The following RIMS2 variants were observed in gnomAD, a reference collection of about 807,000 sequenced individuals.
RIMS2 encodes the protein regulating synaptic membrane exocytosis 2.
In RIMS2, 59 loss-of-function variants were observed where a neutral mutation model predicts 174.4. That is an observed-to-expected ratio of 0.34 (90% confidence interval 0.27 to 0.42). The LOEUF is 0.42. Ranked by LOEUF, RIMS2 falls within the 10% of genes least tolerant of loss-of-function variation. The pLI, the probability that RIMS2 is intolerant of heterozygous loss-of-function variation, is 1.00. For missense variants in RIMS2, 1,620 were observed against 1,666.3 expected, an observed-to-expected ratio of 0.97 and a Z score of 0.48; for synonymous variants, 606 against 572.5, an observed-to-expected ratio of 1.06 and a Z score of -0.84.
chr8:103,895,584 G>A (rs927900142), intron 4 of RIMS2, among the ~76,000 whole-genome samples: 1 of 151,444 alleles, frequency 6.6e-6, no homozygotes, highest in Non-Finnish European at 1.5e-5. Context: ...CATGAATTTG[G>A]CAGGAGGGGC....
chr8:103,683,002 T>C (rs528413624), intron 1 of RIMS2, among the ~76,000 whole-genome samples: 5 of 152,300 alleles, frequency 3.3e-5, no homozygotes, highest in African/African-American at 1.2e-4. Context: ...CCTACTCTTG[T>C]GTGTGAGAAA....
At chr8:103,836,090 G>A (rs140032549) in intron 3 of RIMS2, among the ~76,000 whole-genome samples, 3 of 152,118 alleles carry the variant, frequency 2.0e-5, no homozygotes, top group African/African-American at 4.8e-5. Context: ...AATTTACAGA[G>A]GGAATTTTTA....
chr8:103,562,139 C>T (rs940379573), intron 1 of RIMS2, among the ~76,000 whole-genome samples: 1 of 152,146 alleles, frequency 6.6e-6, no homozygotes, highest in African/African-American at 2.4e-5. Context: ...TGGTCATTTC[C>T]AAATCTTATG....
intron 19 of RIMS2, among the ~76,000 whole-genome samples, chr8:104,062,124 G>A (rs1331432602): frequency 6.6e-6 from 1 of 152,008 alleles, no homozygotes; most frequent in African/African-American, 2.4e-5. Flanking sequence ...CATTAAAATT[G>A]GTCAGGCGCA....
chr8:103,972,006 T>C (rs1283681772), intron 15 of RIMS2, among the ~76,000 whole-genome samples: 2 of 152,232 alleles, frequency 1.3e-5, no homozygotes. Flanking sequence ...TATTCTTGGA[T>C]CTTTTCTCTA....
chr8:104,250,940 A>G (rs890917875), intron 22 of RIMS2, 84 bp from the exon 29 acceptor site: 6 of 1,212,702 alleles, frequency 4.9e-6, no homozygotes, highest in Middle Eastern at 2.0e-4. Context: ...GCCAAAGATT[A>G]CTAAACTGGT....
Position 103,936,510 on chromosome 8 carries a change from T to C in RIMS2, c.2376-41T>C, listed in dbSNP as rs780765354. The C allele has an allele frequency of 2.4e-5, 32 of 1,313,900 alleles. 1 individual carries two copies. The South Asian group carries it at 4.5e-4, about 19-fold the overall frequency. The allele number at this position is 1,313,900 out of a possible 1,614,324, so 81.4% of individuals were successfully genotyped here. ...TTAAAAAATTTTAGGACAAAACTTA[T>C]AGTTCTATGTAAGTTCATAATTCAT... is the stretch of plus-strand genomic sequence containing the variant. On this transcript the variant is annotated intron_variant, in intron 12 of 23. Coordinates refer to ENST00000504942, the Ensembl canonical transcript of RIMS2.
intron 19 of RIMS2, among the ~76,000 whole-genome samples, chr8:104,188,220 CAGATAGATAGAT>C (rs71576001): frequency 4.3e-3 from 371 of 87,106 alleles, no homozygotes; most frequent in Non-Finnish European, 6.4e-3. Context: ...ATGGTTTGTT[CAGATAGATAGAT>C]AGATAGATAG....
chr8:104,063,286 T>C (rs914123050), intron 19 of RIMS2, among the ~76,000 whole-genome samples: 1 of 152,094 alleles, frequency 6.6e-6, no homozygotes, highest in Non-Finnish European at 1.5e-5. Context: ...AAGTTCTTGA[T>C]ATGTTGTTAT....
At chr8:104,037,479 G>A (rs942201806) in intron 19 of RIMS2, among the ~76,000 whole-genome samples, 3 of 152,166 alleles carry the variant, frequency 2.0e-5, no homozygotes, top group African/African-American at 7.2e-5. Flanking sequence ...GTGTATGCCT[G>A]TTGTAAATGG....
intron 1 of RIMS2, among the ~76,000 whole-genome samples, chr8:103,510,820 T>C (rs1826100349): frequency 6.6e-6 from 1 of 152,148 alleles, no homozygotes; most frequent in Non-Finnish European, 1.5e-5. Context: ...GTAGAGTTCT[T>C]TTTGCCATAT....
chr8:103,639,297 C>G (rs2096170257), intron 1 of RIMS2, among the ~76,000 whole-genome samples: 1 of 151,718 alleles, frequency 6.6e-6, no homozygotes, highest in African/African-American at 2.4e-5. Flanking sequence ...ACTTTGTATT[C>G]CTTCCAGGGA....
At chr8:103,888,378 G>T (rs2099219659) in intron 4 of RIMS2, among the ~76,000 whole-genome samples, 1 of 151,110 alleles carries the variant, frequency 6.6e-6, no homozygotes, top group Non-Finnish European at 1.5e-5. Context: ...TTTTTTTATG[G>T]AGTATATAGA....
At chr8:103,733,842 T>G (rs2097645495) in intron 2 of RIMS2, among the ~76,000 whole-genome samples, 1 of 152,054 alleles carries the variant, frequency 6.6e-6, no homozygotes, top group African/African-American at 2.4e-5. Context: ...CTATCTTCAG[T>G]TCCTGTTTTC....
intron 15 of RIMS2, among the ~76,000 whole-genome samples, chr8:103,964,768 A>G (rs1199157285): frequency 1.3e-5 from 2 of 152,090 alleles, no homozygotes; most frequent in Admixed American, 1.3e-4. Flanking sequence ...GATTTCTCCT[A>G]TGTTATCTTC....
intron 15 of RIMS2, among the ~76,000 whole-genome samples, chr8:103,966,018 T>C (rs2091724629): frequency 6.6e-6 from 1 of 152,184 alleles, no homozygotes; most frequent in Non-Finnish European, 1.5e-5. Flanking sequence ...TAATTCTTTT[T>C]ATACATTGTT....
chr8:103,963,049 T>C (rs761425708), intron 15 of RIMS2, among the ~76,000 whole-genome samples: 1 of 152,134 alleles, frequency 6.6e-6, no homozygotes, highest in Non-Finnish European at 1.5e-5. Flanking sequence ...GACTTAAATA[T>C]ATATTAGTTC....
chr8:103,780,201 GATT>G (rs749736654), intron 3 of RIMS2, among the ~76,000 whole-genome samples: 15 of 152,040 alleles, frequency 9.9e-5, no homozygotes, highest in Non-Finnish European at 2.1e-4. Flanking sequence ...TTGAGGATTT[GATT>G]ATTAGATGAC....
At position 103,683,035 on chromosome 8, in the gene RIMS2, G is replaced by T. The variant is rs2096898872; in HGVS notation, c.177-14051G>T. On this transcript the variant is annotated intron_variant, in intron 1 of 23. Transcript: ENST00000504942. ...AAATGCGGCTTCCACTTCCCTTGAG[G>T]CATAGTCATTATAGTTATAGCACAG... Among the ~76,000 whole-genome samples, 4 of 152,284 alleles carry T rather than the reference G, an allele frequency of 2.6e-5. No homozygotes were observed. In the South Asian group the frequency reaches 8.3e-4, roughly 32 times the overall value.
Sources: allele counts gnomAD v4.1 joint callset (sites outside exome capture counted in the v4.1 genomes callset), GRCh38; gene constraint gnomAD v4.1.1; transcripts MANE v1.5; gene names NCBI Gene and HGNC (gene_info 2026-07-23, HGNC 2026-07-21).